NTM: variants seen among roughly 807,000 people sequenced by gnomAD.
NTM encodes the protein neurotrimin, also known as IgLON family member 2.
NTM carries 13 observed loss-of-function variants against 42.1 expected under a neutral mutation model. The observed-to-expected ratio is 0.31, with a 90% CI of 0.20 to 0.49. The LOEUF is 0.49. Ranked by LOEUF, NTM falls within the 20% of genes least tolerant of loss-of-function variation. The probability of loss-of-function intolerance (pLI) is 0.99; values close to 1 mark genes in which losing one functional copy is unlikely to be tolerated. For missense variants in NTM, 373 were observed against 452.8 expected (o/e 0.82, Z 1.60); for synonymous variants, 187 against 179.2 (o/e 1.04, Z -0.35).
chr11:131,567,254 G>C (rs189501195), intron 1 of NTM, among the ~76,000 whole-genome samples: 213 of 152,190 alleles, frequency 1.4e-3, no homozygotes, highest in African/African-American at 4.8e-3. Flanking sequence ...ACTTAGAGAG[G>C]TCAAGGTGGA....
chr11:131,916,615 G>A (rs2056429215), intron 2 of NTM, among the ~76,000 whole-genome samples: 1 of 152,142 alleles, frequency 6.6e-6, no homozygotes, highest in Non-Finnish European at 1.5e-5. Flanking sequence ...GGAAGCTGCG[G>A]CACTTTGCTC....
chr11:132,027,537 T>C (rs1379164534), intron 2 of NTM, among the ~76,000 whole-genome samples: 5 of 152,204 alleles, frequency 3.3e-5, no homozygotes, highest in African/African-American at 1.2e-4. Context: ...GGTGGTTCTT[T>C]AGTTTTAATA....
At chr11:131,379,262 A>G (rs370914212) in intron 1 of NTM, among the ~76,000 whole-genome samples, 2 of 152,162 alleles carry the variant, frequency 1.3e-5, no homozygotes, top group African/African-American at 2.4e-5. Flanking sequence ...TCCAGCCTCT[A>G]TCTCCAGTGA....
At chr11:131,695,536 A>G (rs1383756572) in intron 1 of NTM, among the ~76,000 whole-genome samples, 1 of 152,202 alleles carries the variant, frequency 6.6e-6, no homozygotes, top group Non-Finnish European at 1.5e-5. Context: ...GTTTTGATCC[A>G]ATAGCTCAGA....
intron 6 of NTM, among the ~76,000 whole-genome samples, chr11:132,311,152 G>A (rs2136101336): frequency 6.6e-6 from 1 of 152,334 alleles, no homozygotes; most frequent in East Asian, 1.9e-4. Flanking sequence ...CCAGGAGCAA[G>A]TGAATGGCCG....
intron 3 of NTM, among the ~76,000 whole-genome samples, chr11:132,179,743 A>G (rs1487161428): frequency 2.0e-5 from 3 of 152,164 alleles, no homozygotes; most frequent in African/African-American, 7.2e-5. Flanking sequence ...GATGCAGGAG[A>G]TACCAAGTGG....
In NTM at chr11:132,287,318, T is replaced by C. The variant is rs193263073; in HGVS notation, c.527-20371T>C. Among the ~76,000 whole-genome samples, 6 of 152,336 alleles carry C rather than the reference T, an allele frequency of 3.9e-5. No individual in the cohort carries two copies. The East Asian group carries it at 1.2e-3, about 29-fold the overall frequency. On this transcript the variant is annotated intron_variant, in intron 4 of 8. Coordinates refer to ENST00000683400, the MANE Select transcript of NTM (RefSeq NM_001352005.2). ...TTCCAAACGCTTATTTTTCATTATG[T>C]ATAGAATGAATAATGGAAGACACAT...
Position 131,973,030 on chromosome 11 carries a change from A to G in NTM, c.167+61382A>G, listed in dbSNP as rs550688596. On this transcript the variant is annotated intron_variant, in intron 2 of 8. Transcript: ENST00000683400. ...ACAACATGTACTTAACAGTTTACTT[A>G]AGTAAAGAAAAGATTCGTTCTTTAG... 6.6e-5 allele frequency among the ~76,000 whole-genome samples: 10 copies of G among 152,372 alleles called. No individual in the cohort carries two copies. In the South Asian group the frequency reaches 2.1e-3, roughly 32 times the overall value.
At chr11:132,083,208 T>C (rs971042879) in intron 2 of NTM, among the ~76,000 whole-genome samples, 7 of 152,218 alleles carry the variant, frequency 4.6e-5, no homozygotes, top group African/African-American at 1.7e-4. Context: ...GTTTAAAATG[T>C]AGATGAAAAA....
intron 1 of NTM, among the ~76,000 whole-genome samples, chr11:131,875,648 C>T (rs2048426539): frequency 6.6e-6 from 1 of 152,178 alleles, no homozygotes; most frequent in African/African-American, 2.4e-5. Context: ...CAAAAGGATC[C>T]TTCAACAGTT....
At position 131,959,315 on chromosome 11, in the gene NTM, G is replaced by A. The variant is rs556967854; in HGVS notation, c.167+47667G>A. On this transcript the variant is annotated intron_variant, in intron 2 of 8. Transcript: ENST00000683400. ...CACCATTTCTGTCTTAAAGTTCTTCGCTGTATTAACATCCTTGAAAAGATA... is the reference window on the plus strand; with the variant it reads ...CACCATTTCTGTCTTAAAGTTCTTCACTGTATTAACATCCTTGAAAAGATA... Among the ~76,000 whole-genome samples the A allele has an allele frequency of 5.3e-5, 8 of 152,204 alleles. No homozygotes were observed. In the South Asian group the frequency reaches 6.2e-4, roughly 12 times the overall value.
At chr11:132,192,583 C>G (rs925980342) in intron 3 of NTM, among the ~76,000 whole-genome samples, 3 of 152,074 alleles carry the variant, frequency 2.0e-5, no homozygotes, top group Admixed American at 6.6e-5. Flanking sequence ...CACTATAAAG[C>G]AACTATGCAA....
rs143547140 is a variant in NTM, at chr11:131,600,601, C to T, written c.82+229713C>T. On this transcript the variant is annotated intron_variant, in intron 1 of 8. Transcript: ENST00000683400. ...AGCCATGCTATTGCTTTGCATTTACCGTTCCTCTGCCAAAGAAATTTTAAA... is the reference window on the plus strand; with the variant it reads ...AGCCATGCTATTGCTTTGCATTTACTGTTCCTCTGCCAAAGAAATTTTAAA... Among the ~76,000 whole-genome samples the T allele has an allele frequency of 2.4e-4, 37 of 152,276 alleles. No homozygotes were observed. In the East Asian group the frequency reaches 4.8e-3, roughly 20 times the overall value.
intron 1 of NTM, among the ~76,000 whole-genome samples, chr11:131,748,260 A>G (rs2082062911): frequency 6.6e-6 from 1 of 152,212 alleles, no homozygotes; most frequent in South Asian, 2.1e-4. Flanking sequence ...CATGTAGTAC[A>G]TGACGGTGGA....
At chr11:132,263,092 A>T (rs1347564207) in intron 4 of NTM, among the ~76,000 whole-genome samples, 3 of 152,144 alleles carry the variant, frequency 2.0e-5, no homozygotes, top group Admixed American at 2.0e-4. Flanking sequence ...TGCTACAGGA[A>T]TATATCTTCT....
chr11:132,242,681 A>G (rs1462147648), intron 4 of NTM, among the ~76,000 whole-genome samples: 1 of 152,202 alleles, frequency 6.6e-6, no homozygotes, highest in Non-Finnish European at 1.5e-5. Context: ...TCTGAGATTC[A>G]TGAGATCACT....
intron 3 of NTM, among the ~76,000 whole-genome samples, chr11:132,152,457 C>T (rs2072174209): frequency 6.6e-6 from 1 of 152,096 alleles, no homozygotes; most frequent in African/African-American, 2.4e-5. Context: ...TTTTCCTGTC[C>T]CATTCAAGAA....
At chr11:132,333,122 G>A (rs543806221) in intron 8 of NTM, among the ~76,000 whole-genome samples, 7 of 152,214 alleles carry the variant, frequency 4.6e-5, no homozygotes, top group African/African-American at 1.2e-4. Context: ...GGAATTGTAC[G>A]GTGTGATTCA....
intron 1 of NTM, among the ~76,000 whole-genome samples, chr11:131,505,355 C>G (rs904938764): frequency 6.6e-6 from 1 of 152,104 alleles, no homozygotes; most frequent in Non-Finnish European, 1.5e-5. Flanking sequence ...TTTTGTAAGA[C>G]TTAATGACTT....
Sources: gnomAD v4.1 joint callset for allele counts (sites outside exome capture counted in the v4.1 genomes callset) on GRCh38, gnomAD v4.1.1 for gene constraint, MANE v1.5 for transcripts, NCBI Gene and HGNC (gene_info 2026-07-23, HGNC 2026-07-21) for gene names.